CD99L2: variants seen among roughly 807,000 people sequenced by gnomAD.
CD99L2 encodes CD99 molecule like 2.
In CD99L2, 24 loss-of-function variants were observed where a neutral mutation model predicts 27.3. That is an observed-to-expected ratio of 0.88 (90% CI 0.64 to 1.24). The LOEUF (loss-of-function observed/expected upper bound fraction) is 1.24, where lower values mean the gene tolerates loss of function less well. CD99L2 is among the 50% of genes most tolerant of loss of function. The pLI, the probability that CD99L2 is intolerant of heterozygous loss-of-function variation, is 0.00. For missense variants in CD99L2, 255 were observed against 221.6 expected (o/e 1.15, Z -0.96); for synonymous variants, 97 against 87.9 (o/e 1.10, Z -0.58).
At chrX:150,890,131 C>A (rs782179255) in intron 1 of CD99L2, among the ~76,000 whole-genome samples, 1 of 93,291 alleles carries the variant, frequency 1.1e-5, no homozygotes, top group African/African-American at 4.4e-5. Flanking sequence ...CCAGACTGGG[C>A]GAGAGCGAGA....
chrX:150,898,271 A>G (rs1233485695), intron 1 of CD99L2, among the ~76,000 whole-genome samples: 3 of 111,797 alleles, frequency 2.7e-5, no homozygotes, highest in African/African-American at 9.7e-5. Context: ...TAGGGGGCCC[A>G]TCCCGCTGTT....
chrX:150,795,394 C>CGTAG (rs2045779546), intron 5 of CD99L2, 24 bp downstream of exon 5: 1 of 1,209,179 alleles, frequency 8.3e-7, no homozygotes, highest in Non-Finnish European at 1.1e-6. Flanking sequence ...TGCCTTACTA[C>CGTAG]TCTCCTCAGA....
intron 4 of CD99L2, among the ~76,000 whole-genome samples, chrX:150,800,720 T>C (rs2045891223): frequency 9.0e-6 from 1 of 111,410 alleles, no homozygotes; most frequent in South Asian, 3.8e-4. Flanking sequence ...GTAGATTTTA[T>C]ATGTATACTT....
Position 150,824,571 on chromosome X carries a change from G to A in CD99L2, c.130+6660C>T, listed in dbSNP as rs1359930456. ...AGGAAGAAGAAGAAAGAAGGAGGAGGAGGAGGAGGAGAAGGAGGAGAAGAA... is the reference window on the plus strand; with the variant it reads ...AGGAAGAAGAAGAAAGAAGGAGGAGAAGGAGGAGGAGAAGGAGGAGAAGAA... On this transcript the variant is annotated intron_variant, in intron 2 of 10. Transcript: ENST00000370377. Among the ~76,000 whole-genome samples the A allele has an allele frequency of 7.0e-5, 7 of 99,751 alleles. No homozygotes were observed. In the East Asian group the frequency reaches 1.6e-3, roughly 23 times the overall value. 86.6% of individuals were successfully genotyped at this position (99,751 alleles called of 115,157 possible).
chrX:150,827,125 A>C (rs2046378737), intron 2 of CD99L2, among the ~76,000 whole-genome samples: 1 of 111,215 alleles, frequency 9.0e-6, no homozygotes, highest in Non-Finnish European at 1.9e-5. Flanking sequence ...ACATTGGTGA[A>C]TAAATAAATA....
At chrX:150,798,077 G>A (rs1603293327) in intron 4 of CD99L2, among the ~76,000 whole-genome samples, 1 of 83,063 alleles carries the variant, frequency 1.2e-5, no homozygotes, top group Non-Finnish European at 2.3e-5. Flanking sequence ...GAAGGAGAAG[G>A]AGAAGAAGGA....
chrX:150,867,720 C>T (rs1557422075), intron 1 of CD99L2, among the ~76,000 whole-genome samples: 1 of 109,394 alleles, frequency 9.1e-6, no homozygotes, highest in African/African-American at 3.3e-5. Context: ...GGTGAAACCC[C>T]GTCTCTACTA....
At chrX:150,869,737 T>C (rs1457480792) in intron 1 of CD99L2, among the ~76,000 whole-genome samples, 15 of 111,937 alleles carry the variant, frequency 1.3e-4, no homozygotes, top group Non-Finnish European at 2.6e-4. Context: ...TTTACAACCT[T>C]TGTACTAAAG....
chrX:150,783,954 C>T lies in CD99L2; in HGVS notation c.497-6472G>A, dbSNP rs782373203. Among the ~76,000 whole-genome samples, 7 of 111,826 alleles carry T rather than the reference C, an allele frequency of 6.3e-5. No homozygotes were observed. In the South Asian group the frequency reaches 1.9e-3, roughly 30 times the overall value. ...ACCACCCAAGGCTCCAAGTGGCACC[C>T]TTGAAAGAGCTGTCACGAAAACTCT... On this transcript the variant is annotated intron_variant, in intron 7 of 10. Transcript: ENST00000370377.
intron 1 of CD99L2, among the ~76,000 whole-genome samples, chrX:150,883,691 G>A (rs1439225795): frequency 6.3e-5 from 7 of 111,131 alleles, no homozygotes; most frequent in African/African-American, 2.3e-4. Context: ...GTTACAATAA[G>A]CAGTACACAG....
intron 7 of CD99L2, among the ~76,000 whole-genome samples, chrX:150,780,862 T>A (rs782674786): frequency 4.5e-5 from 5 of 112,295 alleles, no homozygotes; most frequent in Non-Finnish European, 9.4e-5. Context: ...TAATGCCCAG[T>A]GGAGGTGATA....
At chrX:150,891,201 A>G (rs2047506659) in intron 1 of CD99L2, among the ~76,000 whole-genome samples, 1 of 112,704 alleles carries the variant, frequency 8.9e-6, no homozygotes, top group African/African-American at 3.2e-5. Flanking sequence ...TGTTTTGGCT[A>G]TAACAAAATA....
chrX:150,840,390 A>G (rs1200426029), intron 1 of CD99L2, among the ~76,000 whole-genome samples: 1 of 109,986 alleles, frequency 9.1e-6, no homozygotes, highest in Non-Finnish European at 1.9e-5. Flanking sequence ...AATCTGGAAA[A>G]TTTAGGTGAA....
rs1242364886 is a variant in CD99L2, at chrX:150,768,594, ACT to A, written c.*438_*439del. 7.9e-6 allele frequency: 1 copy of A among 126,033 alleles called. No homozygotes were observed. The highest frequency in any genetic ancestry group is 1.6e-5 in the Non-Finnish European group (1 of 62,686). The allele number at this position is 126,033 out of a possible 1,213,427, so 10.4% of individuals were successfully genotyped here. On this transcript the variant is annotated 3_prime_UTR_variant, in exon 11 of 11. Coordinates refer to ENST00000370377, the MANE Select transcript of CD99L2 (RefSeq NM_031462.4). ...CCCCCACCTGCAGCTCCTTGAGGCC[ACT>A]GTCAGGGGCTGTCTATTGGCAGAAA...
intron 2 of CD99L2, among the ~76,000 whole-genome samples, chrX:150,826,302 G>A (rs184198826): frequency 8.9e-6 from 1 of 111,748 alleles, no homozygotes; most frequent in East Asian, 2.8e-4. Context: ...CTAATACAGG[G>A]CCCATGGTAT....
intron 4 of CD99L2, among the ~76,000 whole-genome samples, chrX:150,801,188 A>G (rs2124139473): frequency 8.9e-6 from 1 of 111,890 alleles, no homozygotes; most frequent in East Asian, 2.8e-4. Context: ...TTCCCCACTC[A>G]TTTTGTAAGG....
intron 2 of CD99L2, among the ~76,000 whole-genome samples, chrX:150,827,636 T>G (rs1557420961): frequency 1.8e-5 from 2 of 111,665 alleles, no homozygotes; most frequent in African/African-American, 6.5e-5. Context: ...TGCTAATAAA[T>G]TAAGTGTATT....
At chrX:150,849,683 A>G (rs915587102) in intron 1 of CD99L2, among the ~76,000 whole-genome samples, 1 of 111,428 alleles carries the variant, frequency 9.0e-6, no homozygotes, top group African/African-American at 3.3e-5. Context: ...CTCTGTCTCA[A>G]ATTGAAACTA....
chrX:150,881,737 C>T (rs1335802777), intron 1 of CD99L2, among the ~76,000 whole-genome samples: 2 of 111,890 alleles, frequency 1.8e-5, no homozygotes, highest in African/African-American at 3.2e-5. Flanking sequence ...GTGTTTGAGT[C>T]AAGCCAGGCC....
Sources: gnomAD v4.1 joint callset for allele counts (sites outside exome capture counted in the v4.1 genomes callset) on GRCh38, gnomAD v4.1.1 for gene constraint, MANE v1.5 for transcripts, NCBI Gene and HGNC (gene_info 2026-07-23, HGNC 2026-07-21) for gene names.